CACHD1: variants seen among roughly 807,000 people sequenced by gnomAD.
CACHD1 encodes VWFA and cache domain-containing protein 1.
CACHD1 carries 71 observed loss-of-function variants against 138.7 expected under a neutral mutation model. That is an observed-to-expected ratio of 0.51 (90% CI 0.42 to 0.62). CACHD1 has a LOEUF of 0.62. Among genes scored for constraint, CACHD1 ranks in the 20% least tolerant of loss-of-function variants. CACHD1 has a pLI of 0.00. For missense variants in CACHD1, 1,389 were observed against 1,625.3 expected, an observed-to-expected ratio of 0.85 and a Z score of 2.50; for synonymous variants, 578 against 591.5, an observed-to-expected ratio of 0.98 and a Z score of 0.33.
chr1:64,567,929 CG>C (rs1557497267), intron 2 of CACHD1, among the ~76,000 whole-genome samples: 1 of 151,928 alleles, frequency 6.6e-6, no homozygotes, highest in African/African-American at 2.4e-5. Flanking sequence ...CTGTTAGCGA[CG>C]AGCTTTTAGC....
In CACHD1 at chr1:64,575,691, T is replaced by A. The variant is rs1646961661; in HGVS notation, c.262-6465T>A. ...ATATTTCCTGTCTGTGCCTGTCAGCTTCATTGTTACGTATTTTAAATAAAG... is the reference window on the plus strand; with the variant it reads ...ATATTTCCTGTCTGTGCCTGTCAGCATCATTGTTACGTATTTTAAATAAAG... On this transcript the variant is annotated intron_variant, in intron 2 of 26. Transcript: ENST00000651257. 2.0e-5 allele frequency among the ~76,000 whole-genome samples: 3 copies of A among 152,326 alleles called. No individual in the cohort carries two copies. The South Asian group carries it at 6.2e-4, about 32-fold the overall frequency.
At chr1:64,661,070 G>T (rs981029934) in intron 13 of CACHD1, among the ~76,000 whole-genome samples, 2 of 152,048 alleles carry the variant, frequency 1.3e-5, no homozygotes, top group Non-Finnish European at 2.9e-5. Context: ...GTAATCAAGG[G>T]CATCTTAGTT....
intron 26 of CACHD1, among the ~76,000 whole-genome samples, chr1:64,684,515 T>C (rs1254332689): frequency 6.6e-6 from 1 of 152,006 alleles, no homozygotes; most frequent in Non-Finnish European, 1.5e-5. Flanking sequence ...GTACAATGTG[T>C]CTGTATTTTA....
intron 2 of CACHD1, among the ~76,000 whole-genome samples, chr1:64,564,725 A>G (rs1049555109): frequency 6.6e-6 from 1 of 152,200 alleles, no homozygotes; most frequent in Non-Finnish European, 1.5e-5. Flanking sequence ...TCAAGAGAAA[A>G]TGTTCACAGA....
intron 1 of CACHD1, among the ~76,000 whole-genome samples, chr1:64,490,844 T>C (rs1646270586): frequency 6.6e-6 from 1 of 152,220 alleles, no homozygotes; most frequent in East Asian, 1.9e-4. Flanking sequence ...TATAACCTTT[T>C]ATTCTCAGGG....
At chr1:64,591,330 C>A (rs1647098485) in intron 3 of CACHD1, among the ~76,000 whole-genome samples, 1 of 152,124 alleles carries the variant, frequency 6.6e-6, no homozygotes, top group South Asian at 2.1e-4. Context: ...GGAGAGGAAG[C>A]TCAATATGAA....
At chr1:64,485,367 G>A (rs1184984830) in intron 1 of CACHD1, among the ~76,000 whole-genome samples, 1 of 152,122 alleles carries the variant, frequency 6.6e-6, no homozygotes, top group African/African-American at 2.4e-5. Flanking sequence ...CATATCTATA[G>A]TTTTGCCTTT....
At chr1:64,518,425 T>C (rs564908293) in intron 1 of CACHD1, among the ~76,000 whole-genome samples, 10 of 152,342 alleles carry the variant, frequency 6.6e-5, no homozygotes, top group Non-Finnish European at 1.3e-4. Flanking sequence ...GCTTTCAACA[T>C]TCAAGATGGT....
At chr1:64,566,334 C>T (rs1646880145) in intron 2 of CACHD1, among the ~76,000 whole-genome samples, 2 of 152,234 alleles carry the variant, frequency 1.3e-5, no homozygotes, top group Non-Finnish European at 1.5e-5. Context: ...ATTAATAATC[C>T]TCAAAAACAA....
In CACHD1 at chr1:64,582,234, T is replaced by C. The variant is rs1227759974; in HGVS notation, c.340T>C (p.Tyr114His). 1.9e-6 allele frequency: 3 copies of C among 1,613,952 alleles called. No homozygotes were observed. In the Admixed American group the frequency reaches 5.0e-5, roughly 27 times the overall value. Residue 114 changes from tyrosine (Y) to histidine (H), a missense_variant, in exon 3 of 27, where the codon TAT (tyrosine) becomes CAT (histidine). Tyr to His is a moderately conservative substitution (Grantham distance 83, BLOSUM62 2). This residue lies in a region of CACHD1 where 1,000 missense variants were observed against 1,114.7 expected (regional missense o/e 0.90). Transcript: ENST00000651257. Reference sequence around the variant, plus strand: ...GAACAAGCAAGTTGTAGAAGCATCCTATACGGCTCACCTAACCTCTCCCCT... The same window carrying C: ...GAACAAGCAAGTTGTAGAAGCATCCCATACGGCTCACCTAACCTCTCCCCT... ...NRNKQVVEAS[Y>H]TAHLTSPLTA...
chr1:64,478,753 C>A (rs1646191435), intron 1 of CACHD1, among the ~76,000 whole-genome samples: 1 of 152,118 alleles, frequency 6.6e-6, no homozygotes, highest in Admixed American at 6.6e-5. Context: ...CAGTTCAACA[C>A]AATGAATGAA....
chr1:64,638,369 G>T (rs1375826479), intron 7 of CACHD1, among the ~76,000 whole-genome samples: 1 of 152,210 alleles, frequency 6.6e-6, no homozygotes, highest in Non-Finnish European at 1.5e-5. Flanking sequence ...TGAAAGTAAA[G>T]TGTATGCCCA....
chr1:64,524,206 T>C (rs1001946132), intron 1 of CACHD1, among the ~76,000 whole-genome samples: 2 of 152,222 alleles, frequency 1.3e-5, no homozygotes, highest in Admixed American at 1.3e-4. Context: ...TTTTATGTGC[T>C]TTCAATGAAA....
intron 26 of CACHD1, among the ~76,000 whole-genome samples, chr1:64,684,363 CTTTTTTTTTTT>C (rs397980387): frequency 7.3e-5 from 4 of 54,982 alleles, no homozygotes; most frequent in African/African-American, 1.5e-4. Flanking sequence ...TCTTCTTCTT[CTTTTTTTTTTT>C]TTTTTTTTTT....
chr1:64,588,001 G>T (rs2100549744), intron 3 of CACHD1, among the ~76,000 whole-genome samples: 1 of 151,790 alleles, frequency 6.6e-6, no homozygotes, highest in African/African-American at 2.4e-5. Flanking sequence ...GGCAATACTG[G>T]ATCCACACTG....
At chr1:64,511,130 G>T (rs1570317657) in intron 1 of CACHD1, among the ~76,000 whole-genome samples, 2 of 152,324 alleles carry the variant, frequency 1.3e-5, no homozygotes, top group East Asian at 3.9e-4. Context: ...CATTAAAGCA[G>T]ATGGAGTACG....
At chr1:64,521,512 C>T (rs761442226) in intron 1 of CACHD1, among the ~76,000 whole-genome samples, 3 of 152,164 alleles carry the variant, frequency 2.0e-5, no homozygotes, top group Non-Finnish European at 4.4e-5. Context: ...TTAATATCTT[C>T]AAGCTTTTTA....
intron 1 of CACHD1, 36 bp from the exon 2 acceptor site, chr1:64,550,542 GTAGAAAATGACTTATT>G: frequency 7.7e-7 from 1 of 1,305,248 alleles, no homozygotes. Flanking sequence ...ACACACTCAT[GTAGAAAATGACTTATT>G]TAGAAAATCT....
At position 64,579,615 on chromosome 1, in the gene CACHD1, G is replaced by A. The variant is rs188013988; in HGVS notation, c.262-2541G>A. ...AGTCAGGACCTACAAAGAAAAGGTA[G>A]AACTTGCTTCTTGATGGAGCTTCCA... is the stretch of plus-strand genomic sequence containing the variant. On this transcript the variant is annotated intron_variant, in intron 2 of 26. Transcript: ENST00000651257. Among the ~76,000 whole-genome samples the A allele has an allele frequency of 7.9e-5, 12 of 152,220 alleles. No individual in the cohort carries two copies. In the East Asian group the frequency reaches 1.7e-3, roughly 22 times the overall value.
Sources: allele counts gnomAD v4.1 joint callset (sites outside exome capture counted in the v4.1 genomes callset), GRCh38; gene constraint gnomAD v4.1.1; regional missense constraint gnomAD v4.1.1; transcripts MANE v1.5; gene names NCBI Gene and HGNC (gene_info 2026-07-23, HGNC 2026-07-21).